CD8A: variants seen among roughly 807,000 people sequenced by gnomAD.
CD8A encodes the protein CD8 subunit alpha, also known as T-cell surface glycoprotein CD8 alpha chain.
In CD8A, 25 loss-of-function variants were observed where a neutral mutation model predicts 24.2. That is an observed-to-expected ratio of 1.03 (90% CI 0.75 to 1.44). The LOEUF (loss-of-function observed/expected upper bound fraction) is 1.44, where lower values mean the gene tolerates loss of function less well. Among genes scored for constraint, CD8A ranks in the 40% most tolerant of loss-of-function variants. The probability of loss-of-function intolerance (pLI) is 0.00; values close to 1 mark genes in which losing one functional copy is unlikely to be tolerated. For missense variants in CD8A, 360 were observed against 319.7 expected (o/e 1.13, Z -0.96); for synonymous variants, 165 against 149.9 (o/e 1.10, Z -0.74).
chr2:86,798,148 C>A (rs1240265813), intron 3 of CD8A, among the ~76,000 whole-genome samples: 2 of 151,408 alleles, frequency 1.3e-5, no homozygotes, highest in African/African-American at 4.9e-5. Context: ...TGAAGTCTAC[C>A]TTTTATTCAT....
Position 86,789,371 on chromosome 2 carries a change from A to G in CD8A, c.577T>C (p.Cys193Arg). The G allele has an allele frequency of 6.2e-7, 1 of 1,613,930 alleles. No homozygotes were observed. Among genetic ancestry groups the G allele is most frequent in the Non-Finnish European group, 8.5e-7 (1 of 1,179,824 alleles). The change falls in exon 4 of 6, where the codon TGT (cysteine) becomes CGT (arginine). Residue 193 changes from cysteine (C) to arginine (R), a missense_variant. By Grantham distance (180) the Cys-to-Arg change is radical (BLOSUM62 -3). Transcript: ENST00000283635. ...IYIWAPLAGT[C>R]GVLLLSLVIT... ...ACCAGTGACAGGAGAAGGACCCCAC[A>G]AGTCCCGGCCAAGGGCGCCCAGATG... is the stretch of plus-strand genomic sequence containing the variant.
Position 86,785,194 on chromosome 2 carries a change from T to C in CD8A, c.*726A>G, listed in dbSNP as rs1558732495. Reference sequence around the variant, plus strand: ...CATAGGGGTTTCACAGAGATTTTCTTTAGAGATAGAGGGATTCATTTTCCA... The same window carrying C: ...CATAGGGGTTTCACAGAGATTTTCTCTAGAGATAGAGGGATTCATTTTCCA... On this transcript the variant is annotated 3_prime_UTR_variant, in exon 6 of 6. Coordinates refer to ENST00000283635, the MANE Select transcript of CD8A (RefSeq NM_001768.7). 2.2e-6 allele frequency: 1 copy of C among 453,892 alleles called. No homozygotes were observed. Among genetic ancestry groups the C allele is most frequent in the Non-Finnish European group, 4.4e-6 (1 of 226,794 alleles). 28.1% of individuals were successfully genotyped at this position (453,892 alleles called of 1,614,324 possible). A position where few individuals can be genotyped will look rare whatever the true frequency, so the allele number is the denominator to read the frequency against.
chr2:86,789,532 C>T (rs1413422430), intron 3 of CD8A, 99 bp from the exon 4 acceptor site: 2 of 1,349,198 alleles, frequency 1.5e-6, no homozygotes, highest in East Asian at 2.3e-5. Flanking sequence ...TCTCGGTTTC[C>T]CACCACTTGG....
rs1057382614 is a variant in CD8A, at chr2:86,785,549, C to A, written c.*371G>T. 2 of 486,514 alleles carry A rather than the reference C, an allele frequency of 4.1e-6. No individual in the cohort carries two copies. The highest frequency in any genetic ancestry group is 8.1e-6 in the Non-Finnish European group (2 of 248,354). 30.1% of individuals were successfully genotyped at this position (486,514 alleles called of 1,614,324 possible). Reference sequence around the variant, plus strand: ...GACTTGCTGTGTGCCTTTGATCAAGCTGTCTCTGGGCTTTAGCCTCCCCCT... The same window carrying A: ...GACTTGCTGTGTGCCTTTGATCAAGATGTCTCTGGGCTTTAGCCTCCCCCT... On this transcript the variant is annotated 3_prime_UTR_variant, in exon 6 of 6. Coordinates refer to ENST00000283635, the MANE Select transcript of CD8A (RefSeq NM_001768.7).
intron 5 of CD8A, 41 bp from the exon 6 acceptor site, chr2:86,786,012 C>G: frequency 1.3e-6 from 2 of 1,533,634 alleles, no homozygotes; most frequent in African/African-American, 1.4e-5. Flanking sequence ...GCCAGAACCC[C>G]GCCAGTGCAG....
chr2:86,799,173 C>T (rs1287804239), intron 3 of CD8A, among the ~76,000 whole-genome samples: 1 of 152,152 alleles, frequency 6.6e-6, no homozygotes, highest in Non-Finnish European at 1.5e-5. Flanking sequence ...TCTCAACTCC[C>T]ATTGGTTCTC....
At chr2:86,806,659 T>C (rs908131818) in intron 2 of CD8A, among the ~76,000 whole-genome samples, 7 of 152,142 alleles carry the variant, frequency 4.6e-5, no homozygotes, top group Non-Finnish European at 8.8e-5. Context: ...GAGGGGAGCA[T>C]CACTTGAGCC....
intron 3 of CD8A, among the ~76,000 whole-genome samples, chr2:86,800,371 A>C (rs954304611): frequency 5.3e-5 from 8 of 151,386 alleles, no homozygotes; most frequent in African/African-American, 1.9e-4. Context: ...CTGAGGCAGG[A>C]GAATTGCTTG....
intron 3 of CD8A, among the ~76,000 whole-genome samples, chr2:86,800,196 A>G (rs553647409): frequency 6.6e-6 from 1 of 152,280 alleles, no homozygotes; most frequent in South Asian, 2.1e-4. Context: ...GCGGTGGCTC[A>G]TGCCTGTAAT....
chr2:86,795,636 A>T (rs34613828), upstream of CD8A, among the ~76,000 whole-genome samples: 29,426 of 151,986 alleles, frequency 0.19, 3,106 homozygotes, highest in Non-Finnish European at 0.25. Flanking sequence ...AGGCACCAAG[A>T]GTTTGACTCC....
chr2:86,789,177 A>G, intron 4 of CD8A, 146 bp downstream of exon 4: 1 of 712,134 alleles, frequency 1.4e-6, no homozygotes, highest in South Asian at 1.5e-5. Context: ...TATCTCCCAG[A>G]AAGAAGTGCC....
At chr2:86,800,253 T>C (rs200128878) in intron 3 of CD8A, among the ~76,000 whole-genome samples, 2 of 150,988 alleles carry the variant, frequency 1.3e-5, no homozygotes, top group East Asian at 3.9e-4. Context: ...AGGTCAGGAG[T>C]TTGAGACTAG....
At position 86,785,366 on chromosome 2, in the gene CD8A, C is replaced by T. The variant is rs1032148551; in HGVS notation, c.*554G>A. 8.8e-6 allele frequency: 4 copies of T among 454,242 alleles called. No homozygotes were observed. The Admixed American group carries it at 9.4e-5, about 11-fold the overall frequency. The allele number at this position is 454,242 out of a possible 1,614,324, so 28.1% of individuals were successfully genotyped here. Reference sequence around the variant, plus strand: ...TTCATTACCTCCTCGAGGCTCTGGGCACAGTATCCCAGGTATCAAGAAGTA... The same window carrying T: ...TTCATTACCTCCTCGAGGCTCTGGGTACAGTATCCCAGGTATCAAGAAGTA... On this transcript the variant is annotated 3_prime_UTR_variant, in exon 6 of 6. Transcript: ENST00000283635.
At chr2:86,786,802 C>T (rs1345152135) in intron 5 of CD8A, among the ~76,000 whole-genome samples, 2 of 151,876 alleles carry the variant, frequency 1.3e-5, no homozygotes, top group Non-Finnish European at 2.9e-5. Context: ...GGGCGGATCA[C>T]GAGGTCAGGA....
At chr2:86,797,457 G>A (rs1186137160) in intron 3 of CD8A, among the ~76,000 whole-genome samples, 1 of 152,154 alleles carries the variant, frequency 6.6e-6, no homozygotes, top group Non-Finnish European at 1.5e-5. Context: ...GGACATCAAA[G>A]CCTGTGGCAG....
intron 2 of CD8A, among the ~76,000 whole-genome samples, chr2:86,804,614 TA>T (rs1190944353): frequency 2.0e-5 from 3 of 151,972 alleles, no homozygotes; most frequent in South Asian, 2.1e-4. Flanking sequence ...TTAGTATTAT[TA>T]TTTTTTTTAG....
upstream of CD8A, among the ~76,000 whole-genome samples, chr2:86,794,556 C>T (rs923109552): frequency 6.6e-6 from 1 of 152,154 alleles, no homozygotes; most frequent in African/African-American, 2.4e-5. Flanking sequence ...ATCAATTTGG[C>T]CTCACTTCTG....
intron 5 of CD8A, 109 bp downstream of exon 5, chr2:86,788,421 C>G: frequency 1.2e-6 from 1 of 868,594 alleles, no homozygotes; most frequent in Non-Finnish European, 1.9e-6. Flanking sequence ...CAGGATTTCA[C>G]GGCCATGACC....
At chr2:86,798,323 G>A (rs988029903) in intron 3 of CD8A, among the ~76,000 whole-genome samples, 1 of 151,612 alleles carries the variant, frequency 6.6e-6, no homozygotes, top group Non-Finnish European at 1.5e-5. Flanking sequence ...TTACAGGCAT[G>A]CACCACCACG....
Sources: allele counts gnomAD v4.1 joint callset (sites outside exome capture counted in the v4.1 genomes callset), GRCh38; gene constraint gnomAD v4.1.1; transcripts MANE v1.5; gene names NCBI Gene and HGNC (gene_info 2026-07-23, HGNC 2026-07-21).